Variants in NOTUM observed in about 807,000 individuals in gnomAD.
NOTUM encodes palmitoleoyl-protein carboxylesterase NOTUM.
Under a neutral mutation model 65.5 loss-of-function variants are expected in NOTUM, and 36 were observed. The observed-to-expected ratio is 0.55, with a 90% CI of 0.42 to 0.73. NOTUM has a LOEUF of 0.73. Ranked by LOEUF, NOTUM falls within the 30% of genes least tolerant of loss-of-function variation. The probability of loss-of-function intolerance (pLI) is 0.00; values close to 1 mark genes in which losing one functional copy is unlikely to be tolerated. For synonymous variants in NOTUM, 356 were observed against 297.9 expected (o/e 1.20, Z -2.01); for missense variants, 659 against 694.2 (o/e 0.95, Z 0.57).
chr17:81,953,196 T>A lies in NOTUM; in HGVS notation c.1256A>T (p.His419Leu), dbSNP rs1231246335. 4 of 1,612,930 alleles carry A rather than the reference T, an allele frequency of 2.5e-6. No homozygotes were observed. Among genetic ancestry groups the A allele is most frequent in the Non-Finnish European group, 2.5e-6 (3 of 1,179,726 alleles). ...GGTCTTGCTGGCCTTGTGGCTGTCA[T>A]GGAGGCTCCTGTCCCAGCAGTGCAG... The part of the protein sequence containing the change: ...RALHCWDRSL[H>L]DSHKASKTPL... Residue 419 changes from histidine to leucine, a missense_variant, in exon 11 of 11, where the codon CAT becomes CTT. Transcript: ENST00000409678.
At position 81,953,098 on chromosome 17, in the gene NOTUM, C is replaced by T. The variant is rs776135176; in HGVS notation, c.1354G>A (p.Val452Ile). 2.0e-5 allele frequency: 33 copies of T among 1,613,858 alleles called. No individual in the cohort carries two copies. The highest frequency in any genetic ancestry group is 1.1e-4 in the East Asian group (5 of 44,886). Residue 452 changes from valine to isoleucine, a missense_variant, in exon 11 of 11, where the codon GTC becomes ATC. Physicochemically the swap from Val to Ile is conservative, Grantham distance 29 (BLOSUM62 3). Transcript: ENST00000409678. ...TCTTGCCCCGTGAACTGGTCTCGGACGGTGGGGCATGAGGGGTTGCAGTGG... is the reference window on the plus strand; with the variant it reads ...TCTTGCCCCGTGAACTGGTCTCGGATGGTGGGGCATGAGGGGTTGCAGTGG... ...WPHCNPSCPT[V>I]RDQFTGQEMN...
In NOTUM at chr17:81,955,501, C is replaced by T; in HGVS notation, c.1032G>A (p.Leu344=). 1 of 1,611,604 alleles carries T rather than the reference C, an allele frequency of 6.2e-7. No individual in the cohort carries two copies. The highest frequency in any genetic ancestry group is 8.5e-7 in the Non-Finnish European group (1 of 1,179,450). ...VVQWLFDEAQ[L]TVDNVHLTGQ... is the part of the protein sequence containing the mutation. ...CCGTCAGGTGCACGTTGTCCACCGT[C>T]AGCTGTGCCTCGTCAAACAGCCACT... The change falls in exon 9 of 11, where the codon CTG becomes CTA. Residue 344 remains leucine, a synonymous_variant. Transcript: ENST00000409678.
chr17:81,955,348 A>G, intron 9 of NOTUM, 49 bp downstream of exon 9: 1 of 1,466,526 alleles, frequency 6.8e-7, no homozygotes, highest in Non-Finnish European at 9.2e-7. Flanking sequence ...CTATTTTTAA[A>G]TAAGGAGGGA....
rs936031873 is a variant in NOTUM at position 81,960,502 on chromosome 17, G to A, written c.323+85C>T. The A allele has an allele frequency of 1.0e-6, 1 of 1,002,928 alleles. No individual in the cohort carries two copies. The highest frequency in any genetic ancestry group is 1.4e-6 in the Non-Finnish European group (1 of 721,362). The allele number at this position is 1,002,928 out of a possible 1,614,324, so 62.1% of individuals were successfully genotyped here. ...GACGGAAGCCCTTTCTCCCCGGGGAGAGAACGGCCGCGGCCCGCAGGGAAG... is the reference window on the plus strand; with the variant it reads ...GACGGAAGCCCTTTCTCCCCGGGGAAAGAACGGCCGCGGCCCGCAGGGAAG... On this transcript the variant is annotated intron_variant, in intron 1 of 10. Coordinates refer to ENST00000409678, the MANE Select transcript of NOTUM (RefSeq NM_178493.6). This position sits in a 1 kb window ranked among gnomAD's most constrained non-coding sequence, Gnocchi z 6.4.
rs566606188 is a variant in NOTUM at position 81,959,132 on chromosome 17, G to A, written c.473-137C>T. Reference sequence around the variant, plus strand: ...TGCTGGTGTTGCTAGCCCGAACCAAGGTTGCCGGGAAAGTGGAGGACAGTT... The same window carrying A: ...TGCTGGTGTTGCTAGCCCGAACCAAAGTTGCCGGGAAAGTGGAGGACAGTT... On this transcript the variant is annotated intron_variant, in intron 3 of 10. Coordinates refer to ENST00000409678, the MANE Select transcript of NOTUM (RefSeq NM_178493.6). 36 of 744,098 alleles carry A rather than the reference G, an allele frequency of 4.8e-5. No homozygotes were observed. In the Admixed American group the frequency reaches 6.6e-4, roughly 14 times the overall value. 46.1% of individuals were successfully genotyped at this position (744,098 alleles called of 1,614,324 possible).
intron 9 of NOTUM, 56 bp downstream of exon 9, chr17:81,955,341 T>C: frequency 5.5e-6 from 8 of 1,451,618 alleles, no homozygotes; most frequent in East Asian, 5.0e-5. Flanking sequence ...AGGACCTCTA[T>C]TTTTAAATAA....
chr17:81,960,596 C>T lies in NOTUM; in HGVS notation c.314G>A (p.Ser105Asn). The T allele has an allele frequency of 6.6e-7, 1 of 1,505,130 alleles. No homozygotes were observed. The highest frequency in any genetic ancestry group is 9.0e-7 in the Non-Finnish European group (1 of 1,115,096). 93.2% of individuals were successfully genotyped at this position (1,505,130 alleles called of 1,614,324 possible). Reference sequence around the variant, plus strand: ...AGGGCGCGGGCCTTACCCGGCGGGGCTGCCGTCGTTGCAGGTCACCGAGGT... The same window carrying T: ...AGGGCGCGGGCCTTACCCGGCGGGGTTGCCGTCGTTGCAGGTCACCGAGGT... Reference protein sequence around the residue: ...LNTSVTCNDGSPAGYYLKESR... With the variant: ...LNTSVTCNDGNPAGYYLKESR... Residue 105 changes from serine to asparagine, a missense_variant, in exon 1 of 11, where the codon AGC (serine) becomes AAC (asparagine). Coordinates refer to ENST00000409678, the MANE Select transcript of NOTUM (RefSeq NM_178493.6). This position sits in a 1 kb window ranked among gnomAD's most constrained non-coding sequence, Gnocchi z 6.4.
In NOTUM at chr17:81,958,925, G is replaced by T; in HGVS notation, c.533+10C>A. On this transcript the variant is annotated intron_variant, in intron 4 of 10. Coordinates refer to ENST00000409678, the MANE Select transcript of NOTUM (RefSeq NM_178493.6). ...GCAGGACTCCCAGGCAAGACCCTGTGCCCCCTTACACCATGTTTGCGTTCC... is the reference window on the plus strand; with the variant it reads ...GCAGGACTCCCAGGCAAGACCCTGTTCCCCCTTACACCATGTTTGCGTTCC... 1 of 1,608,916 alleles carries T rather than the reference G, an allele frequency of 6.2e-7. No individual in the cohort carries two copies. The highest frequency in any genetic ancestry group is 8.5e-7 in the Non-Finnish European group (1 of 1,175,928).
Position 81,960,919 on chromosome 17 carries a change from C to T in NOTUM, c.-10G>A. 8.1e-7 allele frequency: 1 copy of T among 1,231,078 alleles called. No homozygotes were observed. The highest frequency in any genetic ancestry group is 1.0e-6 in the Non-Finnish European group (1 of 986,664). The allele number at this position is 1,231,078 out of a possible 1,614,324, so 76.3% of individuals were successfully genotyped here. ...GCACCCCTCGGCCCATGGCCGCGTC[C>T]ACCTGCGGGGAGCGGGCGGCCTTGA... On this transcript the variant is annotated 5_prime_UTR_variant, in exon 1 of 11. Coordinates refer to ENST00000409678, the MANE Select transcript of NOTUM (RefSeq NM_178493.6). This position sits in a 1 kb window ranked among gnomAD's most constrained non-coding sequence, Gnocchi z 6.4.
At position 81,952,640 on chromosome 17, in the gene NOTUM, G is replaced by A. The variant is rs1249417350; in HGVS notation, c.*321C>T. 2 of 375,106 alleles carry A rather than the reference G, an allele frequency of 5.3e-6. No individual in the cohort carries two copies. Among genetic ancestry groups the A allele is most frequent in the African/African-American group, 2.1e-5 (1 of 48,028 alleles). 23.2% of individuals were successfully genotyped at this position (375,106 alleles called of 1,614,324 possible). On this transcript the variant is annotated 3_prime_UTR_variant, in exon 11 of 11. Coordinates refer to ENST00000409678, the MANE Select transcript of NOTUM (RefSeq NM_178493.6). ...GTCACTTTATAAAATAATATAAAAG[G>A]GCTTGATGGGTGGGGCCGGTGGGTG... is the stretch of plus-strand genomic sequence containing the variant.
intron 9 of NOTUM, among the ~76,000 whole-genome samples, chr17:81,954,633 C>T (rs1166938573): frequency 1.3e-5 from 2 of 152,338 alleles, no homozygotes; most frequent in Non-Finnish European, 2.9e-5. Flanking sequence ...TCTATCGCCC[C>T]AGCTGGAGTG....
At chr17:81,959,076 GGGCT>G in intron 3 of NOTUM, 81 bp from the exon 4 acceptor site, 4 of 1,226,304 alleles carry the variant, frequency 3.3e-6, no homozygotes, top group Non-Finnish European at 4.8e-6. Flanking sequence ...TGAGGTGTTG[GGGCT>G]CCTACTTGGC....
rs1598369860 is a variant in NOTUM, at chr17:81,960,695, C to T, written c.215G>A (p.Ser72Asn). Residue 72 changes from serine (S) to asparagine (N), a missense_variant, in exon 1 of 11, where the codon AGC becomes AAC. Physicochemically the swap from Ser to Asn is conservative, Grantham distance 46. Transcript: ENST00000409678. This position sits in a 1 kb window ranked among gnomAD's most constrained non-coding sequence, Gnocchi z 6.4. ...GCAGGGGTACAGGGACTGCGCCAGG[C>T]TCTTGACTTGCGCCATGAAGCTGTC... ...NMDSFMAQVKSLAQSLYPCSA... is the reference protein window; with the variant it reads ...NMDSFMAQVKNLAQSLYPCSA... 3 of 1,602,958 alleles carry T rather than the reference C, an allele frequency of 1.9e-6. No individual in the cohort carries two copies. Among genetic ancestry groups the T allele is most frequent in the Non-Finnish European group, 1.7e-6 (2 of 1,175,440 alleles).
At chr17:81,959,615 C>T (rs756832159) in intron 2 of NOTUM, 25 bp downstream of exon 2, 5 of 1,543,334 alleles carry the variant, frequency 3.2e-6, no homozygotes, top group African/African-American at 2.8e-5. Flanking sequence ...CCCCCGGCCT[C>T]CCCCCGCCTC....
chr17:81,954,261 G>A lies in NOTUM; in HGVS notation c.1179C>T (p.Ile393=). The change falls in exon 10 of 11, where the codon ATC becomes ATT. Residue 393 remains isoleucine, a synonymous_variant. Coordinates refer to ENST00000409678, the MANE Select transcript of NOTUM (RefSeq NM_178493.6). ...APACLSHEII[I]RSHWTDVQVK... is the part of the protein sequence containing the mutation. ...CCCGGAGCAGGGACACTGACCTCCG[G>A]ATGATGATCTCATGGGAGAGGCAGG... is the stretch of plus-strand genomic sequence containing the variant. 1.2e-6 allele frequency: 2 copies of A among 1,612,052 alleles called. No homozygotes were observed. The highest frequency in any genetic ancestry group is 1.7e-6 in the Non-Finnish European group (2 of 1,178,104).
intron 5 of NOTUM, 113 bp from the exon 6 acceptor site, chr17:81,958,021 T>G: frequency 2.5e-6 from 2 of 803,404 alleles, no homozygotes; most frequent in Non-Finnish European, 4.2e-6. Flanking sequence ...GGGAGGAATC[T>G]TCTGAGAAGG....
intron 10 of NOTUM, among the ~76,000 whole-genome samples, chr17:81,953,605 G>GTT (rs770167736): frequency 8.6e-5 from 13 of 151,002 alleles, no homozygotes; most frequent in African/African-American, 1.2e-4. Context: ...GGGTTTTTTT[G>GTT]TTTTGTTTTG....
Position 81,956,694 on chromosome 17 carries a change from T to C in NOTUM, c.944A>G (p.Glu315Gly). 1 of 1,612,922 alleles carries C rather than the reference T, an allele frequency of 6.2e-7. No individual in the cohort carries two copies. Residue 315 changes from glutamate to glycine, a missense_variant, in exon 8 of 11, where the codon GAG becomes GGG. Physicochemically the swap from Glu to Gly is moderately conservative, Grantham distance 98. Transcript: ENST00000409678. ...CTTGTAGCCAAAGAAGCAGTTCCAC[T>C]CCTCGCCCTCCTGGAACTGGCGTCG... is the stretch of plus-strand genomic sequence containing the variant. ...RCRRQFQEGE[E>G]WNCFFGYKVY...
intron 9 of NOTUM, 110 bp from the exon 10 acceptor site, chr17:81,954,413 A>G: frequency 1.4e-6 from 1 of 724,390 alleles, no homozygotes; most frequent in African/African-American, 1.9e-5. Context: ...TCCTGTTGCT[A>G]TGGCTGCCAG....
Sources: allele counts gnomAD v4.1 joint callset (sites outside exome capture counted in the v4.1 genomes callset), GRCh38; gene constraint gnomAD v4.1.1; non-coding constraint Gnocchi (gnomAD v3.1); transcripts MANE v1.5; gene names NCBI Gene and HGNC (gene_info 2026-07-23, HGNC 2026-07-21).